The following CCDC148 variants were observed in gnomAD, a reference collection of about 807,000 sequenced individuals.
The protein encoded by CCDC148 is coiled-coil domain containing 148.
Under a neutral mutation model 85.7 loss-of-function variants are expected in CCDC148, and 89 were observed. The ratio of observed to expected loss-of-function variants is 1.04; its 90% CI spans 0.87 to 1.24. The LOEUF (loss-of-function observed/expected upper bound fraction) is 1.24. Ranked by LOEUF, CCDC148 falls within the 50% of genes most tolerant of loss-of-function variation. The pLI, the probability that CCDC148 is intolerant of heterozygous loss-of-function variation, is 0.00. For missense variants in CCDC148, 692 were observed against 671.7 expected (o/e 1.03, Z -0.33); for synonymous variants, 230 against 213.9 (o/e 1.08, Z -0.66).
intron 9 of CCDC148, among the ~76,000 whole-genome samples, chr2:158,303,172 T>C (rs1452236311): frequency 1.3e-5 from 2 of 152,116 alleles, no homozygotes; most frequent in Non-Finnish European, 2.9e-5. Flanking sequence ...GAGAACAAAA[T>C]TATGGTTAAA....
intron 1 of CCDC148, among the ~76,000 whole-genome samples, chr2:158,432,565 C>A (rs1375143456): frequency 1.3e-5 from 2 of 152,102 alleles, no homozygotes; most frequent in African/African-American, 4.8e-5. Flanking sequence ...AATCTGAATT[C>A]CTTACATCTA....
chr2:158,366,359 T>C (rs1337212469), intron 1 of CCDC148, among the ~76,000 whole-genome samples: 1 of 152,180 alleles, frequency 6.6e-6, no homozygotes, highest in Non-Finnish European at 1.5e-5. Context: ...TAGAAAGTTG[T>C]TATGTGTTTT....
chr2:158,260,362 C>A (rs1574497383), intron 9 of CCDC148, among the ~76,000 whole-genome samples: 2 of 151,928 alleles, frequency 1.3e-5, no homozygotes, highest in African/African-American at 4.8e-5. Flanking sequence ...GAGCATAACT[C>A]AAAATAATAA....
At chr2:158,188,900 C>A (rs771508485) in intron 11 of CCDC148, among the ~76,000 whole-genome samples, 13 of 151,826 alleles carry the variant, frequency 8.6e-5, no homozygotes, top group South Asian at 4.2e-4. Flanking sequence ...GAAAAAGAAA[C>A]AAATAAACCC....
chr2:158,429,619 GT>G (rs1687246926), intron 1 of CCDC148, among the ~76,000 whole-genome samples: 1 of 152,174 alleles, frequency 6.6e-6, no homozygotes, highest in South Asian at 2.1e-4. Flanking sequence ...AATGTAAATT[GT>G]TAAAAGGTTT....
Position 158,443,941 on chromosome 2 carries a change from T to C in CCDC148, c.25+12474A>G, listed in dbSNP as rs572493451. On this transcript the variant is annotated intron_variant, in intron 1 of 13. Coordinates refer to ENST00000283233, the MANE Select transcript of CCDC148 (RefSeq NM_138803.4). ...AAACACAGAAGCCATAGTCAATAGG[T>C]TGCAATTCAATTTTAGGAACATAAA... Among the ~76,000 whole-genome samples, 43 of 152,334 alleles carry C rather than the reference T, an allele frequency of 2.8e-4. 1 individual carries two copies. Among genetic ancestry groups the C allele is most frequent in the Admixed American group, 1.2e-3 (18 of 15,304 alleles).
intron 2 of CCDC148, among the ~76,000 whole-genome samples, chr2:158,351,850 T>C (rs1683318078): frequency 1.3e-5 from 2 of 150,670 alleles, no homozygotes; most frequent in South Asian, 2.1e-4. Flanking sequence ...AAGAGAGCAG[T>C]GGTTCTCCCA....
chr2:158,289,260 A>T (rs927145301), intron 9 of CCDC148, among the ~76,000 whole-genome samples: 47 of 152,246 alleles, frequency 3.1e-4, no homozygotes, highest in Admixed American at 3.1e-3. Flanking sequence ...CTTAATTGAA[A>T]GATACTATTA....
intron 1 of CCDC148, among the ~76,000 whole-genome samples, chr2:158,406,622 T>TC (rs1553518860): frequency 5.9e-5 from 5 of 84,520 alleles, no homozygotes; most frequent in Non-Finnish European, 1.2e-4. Context: ...TCTTTTTTTT[T>TC]TTTTTTTTTT....
Position 158,256,230 on chromosome 2 carries a change from AC to A in CCDC148, c.1111-5319del, listed in dbSNP as rs143263931. Among the ~76,000 whole-genome samples the A allele has an allele frequency of 9.7e-4, 148 of 151,926 alleles. 1 individual carries two copies. The highest frequency in any genetic ancestry group is 1.8e-3 in the Non-Finnish European group (124 of 67,826). ...ATGGCATAAAGGAAATGAATATTGAACATCTGCTTTTGAGACCCATCTTTGT... is the reference window on the plus strand; with the variant it reads ...ATGGCATAAAGGAAATGAATATTGAAATCTGCTTTTGAGACCCATCTTTGT... On this transcript the variant is annotated intron_variant, in intron 9 of 13. Transcript: ENST00000283233.
chr2:158,367,959 C>G (rs1356537990), intron 1 of CCDC148, among the ~76,000 whole-genome samples: 1 of 152,130 alleles, frequency 6.6e-6, no homozygotes, highest in Non-Finnish European at 1.5e-5. Flanking sequence ...CTCATTTTAG[C>G]ACTTGAGATG....
chr2:158,256,860 T>C (rs1689033099), intron 9 of CCDC148, among the ~76,000 whole-genome samples: 1 of 151,720 alleles, frequency 6.6e-6, no homozygotes, highest in Non-Finnish European at 1.5e-5. Context: ...ATTGTCCCTA[T>C]TCTATTACAG....
chr2:158,209,026 T>C (rs1194834880), intron 11 of CCDC148, among the ~76,000 whole-genome samples: 2 of 151,908 alleles, frequency 1.3e-5, no homozygotes, highest in Non-Finnish European at 2.9e-5. Flanking sequence ...ATCTGATGGC[T>C]GTATTTATGT....
intron 1 of CCDC148, among the ~76,000 whole-genome samples, chr2:158,395,523 T>C (rs977837593): frequency 6.6e-6 from 1 of 152,066 alleles, no homozygotes; most frequent in African/African-American, 2.4e-5. Flanking sequence ...TCAGCCTGAG[T>C]GATAATGTGA....
chr2:158,199,577 A>G (rs772470184), intron 11 of CCDC148, among the ~76,000 whole-genome samples: 3 of 152,194 alleles, frequency 2.0e-5, no homozygotes, highest in Non-Finnish European at 2.9e-5. Flanking sequence ...TTTTTAGCTT[A>G]TAAGTTATTT....
intron 1 of CCDC148, among the ~76,000 whole-genome samples, chr2:158,382,526 C>T (rs918649633): frequency 6.6e-6 from 1 of 152,084 alleles, no homozygotes; most frequent in African/African-American, 2.4e-5. Flanking sequence ...CTTATTTGCT[C>T]CAAGATATAT....
chr2:158,384,196 C>T (rs1684990334), intron 1 of CCDC148, among the ~76,000 whole-genome samples: 1 of 152,188 alleles, frequency 6.6e-6, no homozygotes, highest in South Asian at 2.1e-4. Context: ...CAGGTTTCTC[C>T]ACTATAAAGG....
intron 1 of CCDC148, among the ~76,000 whole-genome samples, chr2:158,441,634 ATTCT>A (rs1326062197): frequency 1.3e-5 from 2 of 152,190 alleles, no homozygotes; most frequent in Non-Finnish European, 2.9e-5. Flanking sequence ...AGGAATTTTA[ATTCT>A]TTCTTTTGTT....
intron 1 of CCDC148, among the ~76,000 whole-genome samples, chr2:158,365,531 T>A (rs1684159210): frequency 6.6e-6 from 1 of 152,056 alleles, no homozygotes; most frequent in Non-Finnish European, 1.5e-5. Flanking sequence ...CTGGAAACCA[T>A]CACTCTCAGC....
Sources: gnomAD v4.1 joint callset for allele counts (sites outside exome capture counted in the v4.1 genomes callset) on GRCh38, gnomAD v4.1.1 for gene constraint, MANE v1.5 for transcripts, NCBI Gene and HGNC (gene_info 2026-07-23, HGNC 2026-07-21) for gene names.